The following TIMP1 variants were observed in gnomAD, a reference collection of about 807,000 sequenced individuals.
TIMP1 encodes the protein TIMP metallopeptidase inhibitor 1, also known as metalloproteinase inhibitor 1.
In TIMP1, 5 loss-of-function variants were observed where a neutral mutation model predicts 13.7. That is an observed-to-expected ratio of 0.36 (90% CI 0.19 to 0.76). The LOEUF (loss-of-function observed/expected upper bound fraction) is 0.76, where lower values mean the gene tolerates loss of function less well. Among genes scored for constraint, TIMP1 ranks in the 30% least tolerant of loss-of-function variants. TIMP1 has a pLI of 0.51. For synonymous variants in TIMP1, 63 were observed against 67.1 expected (o/e 0.94, Z 0.30); for missense variants, 131 against 168.4 (o/e 0.78, Z 1.23).
At position 47,585,382 on chromosome X, in the gene TIMP1, C is replaced by A. The variant is rs189627564; in HGVS notation, c.328+51C>A. 4 of 1,204,855 alleles carry A rather than the reference C, an allele frequency of 3.3e-6. No homozygotes were observed. In the African/African-American group the frequency reaches 7.0e-5, roughly 21 times the overall value. Reference sequence around the variant, plus strand: ...GCCACACCAACCAGTCCCTGGGGCGCGGCCTAGCAACCACGAGGGGGCGAG... The same window carrying A: ...GCCACACCAACCAGTCCCTGGGGCGAGGCCTAGCAACCACGAGGGGGCGAG... On this transcript the variant is annotated intron_variant, in intron 4 of 5. Transcript: ENST00000218388.
Position 47,586,723 on chromosome X carries a change from C to G in TIMP1, c.*32C>G. 8.4e-7 allele frequency: 1 copy of G among 1,192,810 alleles called. No homozygotes were observed. ...CCCGGAGTGGAAGCTGAAGCCTGCA[C>G]AGTGTCCACCCTGTTCCCACTCCCA... On this transcript the variant is annotated 3_prime_UTR_variant, in exon 6 of 6. Coordinates refer to ENST00000218388, the MANE Select transcript of TIMP1 (RefSeq NM_003254.3).
At chrX:47,584,254 TC>T (rs2057812851) in intron 2 of TIMP1, among the ~76,000 whole-genome samples, 1 of 109,603 alleles carries the variant, frequency 9.1e-6, no homozygotes, top group Non-Finnish European at 1.9e-5. Context: ...TTGAGGATGA[TC>T]AGGTATTGAG....
intron 5 of TIMP1, 116 bp downstream of exon 5, chrX:47,585,783 C>A (rs767414351): frequency 8.6e-7 from 1 of 1,161,413 alleles, no homozygotes; most frequent in East Asian, 3.2e-5. Flanking sequence ...TGCTCCCCAA[C>A]CCTAAGGGCT....
chrX:47,585,378 GGCGCGGCCT>G (rs778919577), intron 4 of TIMP1, 47 bp downstream of exon 4: 36 of 1,206,051 alleles, frequency 3.0e-5, no homozygotes, highest in Non-Finnish European at 4.0e-5. Context: ...CAGTCCCTGG[GGCGCGGCCT>G]AGCAACCACG....
Position 47,583,394 on chromosome X carries a change from C to G in TIMP1, c.-8-14C>G, listed in dbSNP as rs909007397. The G allele has an allele frequency of 3.4e-6, 4 of 1,182,498 alleles. No individual in the cohort carries two copies. In the African/African-American group the frequency reaches 7.1e-5, roughly 21 times the overall value. On this transcript the variant is annotated splice_polypyrimidine_tract_variant and intron_variant, in intron 1 of 5. Coordinates refer to ENST00000218388, the MANE Select transcript of TIMP1 (RefSeq NM_003254.3). Reference sequence around the variant, plus strand: ...GCTGGGCCGGGGCCTGCCTGACATCCCCCTTCCCCACAGAACCCACCATGG... The same window carrying G: ...GCTGGGCCGGGGCCTGCCTGACATCGCCCTTCCCCACAGAACCCACCATGG...
Position 47,584,973 on chromosome X carries a change from C to A in TIMP1, c.159C>A (p.Asn53Lys). ...AGTTCGTGGGGACACCAGAAGTCAA[C>A]CAGACCACCTTATACCAGCGTTATG... ...RAKFVGTPEV[N>K]QTTLYQRYEI... is the part of the protein sequence containing the mutation. The change falls in exon 3 of 6, where the codon AAC becomes AAA. Residue 53 changes from asparagine (N) to lysine (K), a missense_variant. Transcript: ENST00000218388. 1 of 1,211,492 alleles carries A rather than the reference C, an allele frequency of 8.3e-7. No homozygotes were observed. Among genetic ancestry groups the A allele is most frequent in the Non-Finnish European group, 1.1e-6 (1 of 895,453 alleles).
Position 47,585,238 on chromosome X carries a change from G to A in TIMP1, c.235G>A (p.Ala79Thr). ...AGGGTTCCAAGCCTTAGGGGATGCCGCTGACATCCGGTTCGTCTACACCCC... is the reference window on the plus strand; with the variant it reads ...AGGGTTCCAAGCCTTAGGGGATGCCACTGACATCCGGTTCGTCTACACCCC... ...YKGFQALGDA[A>T]DIRFVYTPAM... The change falls in exon 4 of 6, where the codon GCT becomes ACT. Residue 79 changes from alanine (A) to threonine (T), a missense_variant. Physicochemically the swap from Ala to Thr is moderately conservative, Grantham distance 58 (BLOSUM62 0). Coordinates refer to ENST00000218388, the MANE Select transcript of TIMP1 (RefSeq NM_003254.3). 3 of 1,201,239 alleles carry A rather than the reference G, an allele frequency of 2.5e-6. No individual in the cohort carries two copies. The highest frequency in any genetic ancestry group is 1.7e-5 in the African/African-American group (1 of 57,584).
rs1265435772 is a variant in TIMP1 at position 47,585,253 on chromosome X, G to A, written c.250G>A (p.Val84Ile). The change falls in exon 4 of 6, where the codon GTC becomes ATC. Residue 84 changes from valine (V) to isoleucine (I), a missense_variant. Physicochemically the swap from Val to Ile is conservative, Grantham distance 29 (BLOSUM62 3). Transcript: ENST00000218388. Reference sequence around the variant, plus strand: ...AGGGGATGCCGCTGACATCCGGTTCGTCTACACCCCCGCCATGGAGAGTGT... The same window carrying A: ...AGGGGATGCCGCTGACATCCGGTTCATCTACACCCCCGCCATGGAGAGTGT... ...ALGDAADIRFVYTPAMESVCG... is the reference protein window; with the variant it reads ...ALGDAADIRFIYTPAMESVCG... 13 of 1,207,967 alleles carry A rather than the reference G, an allele frequency of 1.1e-5. No homozygotes were observed. In the East Asian group the frequency reaches 2.4e-4, roughly 22 times the overall value.
chrX:47,582,589 G>A (rs1486673330), intron 1 of TIMP1, 115 bp downstream of exon 1: 2 of 364,997 alleles, frequency 5.5e-6, no homozygotes, highest in African/African-American at 2.6e-5. Context: ...CTTGGCCTGC[G>A]GGTACCAGGA....
Position 47,585,624 on chromosome X carries a change from G to A in TIMP1, c.410G>A (p.Arg137Gln), listed in dbSNP as rs777619063. 18 of 1,111,562 alleles carry A rather than the reference G, an allele frequency of 1.6e-5. No individual in the cohort carries two copies. Among genetic ancestry groups the A allele is most frequent in the Non-Finnish European group, 2.1e-5 (18 of 841,654 alleles). The allele number at this position is 1,111,562 out of a possible 1,213,427, so 91.6% of individuals were successfully genotyped here. ...AACAGCCTGAGCTTAGCTCAGCGCC[G>A]GGGCTTCACCAAGACCTACACTGTT... Reference protein sequence around the residue: ...PWNSLSLAQRRGFTKTYTVGC... With the variant: ...PWNSLSLAQRQGFTKTYTVGC... Residue 137 changes from arginine to glutamine, a missense_variant, in exon 5 of 6, where the codon CGG becomes CAG. Transcript: ENST00000218388.
chrX:47,586,616 G>C lies in TIMP1; in HGVS notation c.549G>C (p.Gln183His). Residue 183 changes from glutamine (Q) to histidine (H), a missense_variant, in exon 6 of 6, where the codon CAG (glutamine) becomes CAC (histidine). Physicochemically the swap from Gln to His is conservative, Grantham distance 24. Coordinates refer to ENST00000218388, the MANE Select transcript of TIMP1 (RefSeq NM_003254.3). Reference sequence around the variant, plus strand: ...TCCAAGGCTCTGAAAAGGGCTTCCAGTCCCGTCACCTTGCCTGCCTGCCTC... The same window carrying C: ...TCCAAGGCTCTGAAAAGGGCTTCCACTCCCGTCACCTTGCCTGCCTGCCTC... ...QLLQGSEKGF[Q>H]SRHLACLPRE... 2 of 1,212,079 alleles carry C rather than the reference G, an allele frequency of 1.7e-6. No homozygotes were observed. The highest frequency in any genetic ancestry group is 2.2e-6 in the Non-Finnish European group (2 of 895,650).
At chrX:47,584,913 CAT>C (rs1395952233) in intron 2 of TIMP1, 21 bp from the exon 3 acceptor site, 2 of 1,189,796 alleles carry the variant, frequency 1.7e-6, no homozygotes, top group East Asian at 3.0e-5. Context: ...CCATTTGACT[CAT>C]ATTTCCCTCC....
At chrX:47,585,184 C>A in intron 3 of TIMP1, 21 bp from the exon 4 acceptor site, 1 of 1,172,610 alleles carries the variant, frequency 8.5e-7, no homozygotes. Flanking sequence ...AAAAGAGACA[C>A]TTCCCCTCAT....
chrX:47,585,575 A>G lies in TIMP1; in HGVS notation c.361A>G (p.Thr121Ala), dbSNP rs1387551262. 5.0e-6 allele frequency: 6 copies of G among 1,198,908 alleles called. No homozygotes were observed. The highest frequency in any genetic ancestry group is 6.8e-6 in the Non-Finnish European group (6 of 888,727). The change falls in exon 5 of 6, where the codon ACC becomes GCC. Residue 121 changes from threonine to alanine, a missense_variant. Transcript: ENST00000218388. ...GCAGGATGGACTCTTGCACATCACTACCTGCAGTTTTGTGGCTCCCTGGAA... is the reference window on the plus strand; with the variant it reads ...GCAGGATGGACTCTTGCACATCACTGCCTGCAGTTTTGTGGCTCCCTGGAA... ...KLQDGLLHIT[T>A]CSFVAPWNSL...
At position 47,585,292 on chromosome X, in the gene TIMP1, C is replaced by T. The variant is rs1413685629; in HGVS notation, c.289C>T (p.His97Tyr). ...PAMESVCGYFHRSHNRSEEFL... is the reference protein window; with the variant it reads ...PAMESVCGYFYRSHNRSEEFL... ...CATGGAGAGTGTCTGCGGATACTTCCACAGGTCCCACAACCGCAGCGAGGA... is the reference window on the plus strand; with the variant it reads ...CATGGAGAGTGTCTGCGGATACTTCTACAGGTCCCACAACCGCAGCGAGGA... The change falls in exon 4 of 6, where the codon CAC becomes TAC. Residue 97 changes from histidine to tyrosine, a missense_variant. Transcript: ENST00000218388. 1.7e-6 allele frequency: 2 copies of T among 1,209,999 alleles called. No individual in the cohort carries two copies. Among genetic ancestry groups the T allele is most frequent in the Non-Finnish European group, 2.2e-6 (2 of 895,087 alleles).
intron 1 of TIMP1, among the ~76,000 whole-genome samples, 166 bp from the exon 2 acceptor site, chrX:47,583,242 C>T (rs1401291059): frequency 9.4e-6 from 1 of 106,278 alleles, no homozygotes; most frequent in Non-Finnish European, 1.9e-5. Flanking sequence ...AATTCCTCTG[C>T]GCTCCCCAAT....
chrX:47,583,090 A>T, intron 1 of TIMP1, among the ~76,000 whole-genome samples: 1 of 74,934 alleles, frequency 1.3e-5, no homozygotes, highest in Non-Finnish European at 2.6e-5. Context: ...TCACCCCCAA[A>T]CTCCTCAACC....
intron 5 of TIMP1, 169 bp from the exon 6 acceptor site, chrX:47,586,352 G>A (rs1014516459): frequency 2.7e-6 from 2 of 750,895 alleles, no homozygotes; most frequent in African/African-American, 4.6e-5. Flanking sequence ...TACCTTTCAG[G>A]ACCCAGTGAC....
rs61756234 is a variant in TIMP1 at position 47,585,009 on chromosome X, G to T, written c.195G>T (p.Met65Ile). ...TTLYQRYEIKMTKMYKGFQAL... is the reference protein window; with the variant it reads ...TTLYQRYEIKITKMYKGFQAL... The stretch of plus-strand genomic sequence containing the variant: ...TATACCAGCGTTATGAGATCAAGAT[G>T]ACCAAGGTATCCCCTGCCCCCGCCT... Residue 65 changes from methionine to isoleucine, a missense_variant, in exon 3 of 6, where the codon ATG becomes ATT. By Grantham distance (10) the Met-to-Ile change is conservative. Coordinates refer to ENST00000218388, the MANE Select transcript of TIMP1 (RefSeq NM_003254.3). The T allele has an allele frequency of 5.9e-4, 713 of 1,208,306 alleles. No homozygotes were observed. Among genetic ancestry groups the T allele is most frequent in the Non-Finnish European group, 7.6e-4 (682 of 894,489 alleles).
Sources: gnomAD v4.1 joint callset for allele counts (sites outside exome capture counted in the v4.1 genomes callset) on GRCh38, gnomAD v4.1.1 for gene constraint, MANE v1.5 for transcripts, NCBI Gene and HGNC (gene_info 2026-07-23, HGNC 2026-07-21) for gene names.